Variants in TYR observed in about 807,000 individuals in gnomAD.
TYR encodes tyrosinase.
A neutral mutation model predicts 51.5 loss-of-function variants in TYR; 58 were observed. That is an observed-to-expected ratio of 1.13 (90% CI 0.91 to 1.40). The LOEUF is 1.40. Among genes scored for constraint, TYR ranks in the 40% most tolerant of loss-of-function variants. The pLI is 0.00. For missense variants in TYR, 732 were observed against 647.4 expected (o/e 1.13, Z -1.42); for synonymous variants, 263 against 235.2 (o/e 1.12, Z -1.08).
At chr11:89,219,697 G>A (rs138355784) in intron 2 of TYR, among the ~76,000 whole-genome samples, 80 of 152,232 alleles carry the variant, frequency 5.3e-4, no homozygotes, top group African/African-American at 1.7e-3. Flanking sequence ...TTGGCCATAA[G>A]TATGTGGGTA....
Position 89,232,307 on chromosome 11 carries a change from G to C in TYR, c.1184+4337G>C, listed in dbSNP as rs1320711342. Among the ~76,000 whole-genome samples the C allele has an allele frequency of 2.8e-5, 4 of 143,030 alleles. 1 individual carries two copies. Among genetic ancestry groups the C allele is most frequent in the Non-Finnish European group, 4.5e-5 (3 of 66,628 alleles). The allele number at this position is 143,030 out of a possible 152,430, so 93.8% of individuals were successfully genotyped here. On this transcript the variant is annotated intron_variant, in intron 3 of 4. Transcript: ENST00000263321. ...AGTTACGTTTATGGAATCAACCCAG[G>C]TGCTCATCAATGGTGTATTGGACAA...
chr11:89,232,957 T>A (rs1443604280), intron 3 of TYR, among the ~76,000 whole-genome samples: 3 of 142,786 alleles, frequency 2.1e-5, no homozygotes, highest in African/African-American at 8.3e-5. Context: ...GCTGGAGCAA[T>A]TTTTTAAAAT....
chr11:89,267,763 T>C (rs1944542918), intron 3 of TYR, among the ~76,000 whole-genome samples: 1 of 151,956 alleles, frequency 6.6e-6, no homozygotes, highest in South Asian at 2.1e-4. Flanking sequence ...GTTTTTCTTT[T>C]TCCTGATTAA....
chr11:89,211,963 T>C (rs1256820984), intron 2 of TYR, among the ~76,000 whole-genome samples: 1 of 152,126 alleles, frequency 6.6e-6, no homozygotes, highest in Non-Finnish European at 1.5e-5. Flanking sequence ...TCGGGAGAAA[T>C]TTATAGCACT....
At chr11:89,294,821 C>A (rs1354185932) in intron 4 of TYR, among the ~76,000 whole-genome samples, 2 of 152,128 alleles carry the variant, frequency 1.3e-5, no homozygotes, top group African/African-American at 4.8e-5. Context: ...GTTACAACAT[C>A]CTTTCACAGA....
At chr11:89,237,798 T>C (rs1324916033) in intron 3 of TYR, among the ~76,000 whole-genome samples, 1 of 152,048 alleles carries the variant, frequency 6.6e-6, no homozygotes, top group Non-Finnish European at 1.5e-5. Context: ...TTTAATAATA[T>C]TCTTTCTTCC....
At chr11:89,257,929 T>C (rs1386022687) in intron 3 of TYR, among the ~76,000 whole-genome samples, 2 of 152,056 alleles carry the variant, frequency 1.3e-5, no homozygotes, top group African/African-American at 4.8e-5. Flanking sequence ...GCATATAGTC[T>C]TTCCTGCACT....
At chr11:89,265,488 C>A (rs1424415494) in intron 3 of TYR, among the ~76,000 whole-genome samples, 1 of 152,036 alleles carries the variant, frequency 6.6e-6, no homozygotes, top group African/African-American at 2.4e-5. Context: ...TACTACTAAT[C>A]ACTTGGAGAA....
intron 3 of TYR, among the ~76,000 whole-genome samples, chr11:89,272,269 T>C (rs1282744468): frequency 3.9e-5 from 6 of 151,916 alleles, no homozygotes; most frequent in Non-Finnish European, 8.8e-5. Context: ...AAATTACTCC[T>C]TAATCCATGG....
At chr11:89,181,079 A>G (rs1329020557) in intron 1 of TYR, among the ~76,000 whole-genome samples, 1 of 152,048 alleles carries the variant, frequency 6.6e-6, no homozygotes, top group Non-Finnish European at 1.5e-5. Flanking sequence ...CAGTGGTGCA[A>G]TCTCCATACG....
At chr11:89,278,707 GGGACATTAGT>G (rs1944686830) in intron 3 of TYR, among the ~76,000 whole-genome samples, 1 of 151,518 alleles carries the variant, frequency 6.6e-6, no homozygotes, top group Non-Finnish European at 1.5e-5. Flanking sequence ...CCCTTGGTAT[GGGACATTAGT>G]GGACATTAAA....
intron 3 of TYR, among the ~76,000 whole-genome samples, chr11:89,258,179 T>G (rs1285469564): frequency 6.6e-6 from 1 of 152,048 alleles, no homozygotes; most frequent in Non-Finnish European, 1.5e-5. Context: ...TCAAATGGAT[T>G]CTATCTGAAC....
intron 2 of TYR, among the ~76,000 whole-genome samples, chr11:89,213,819 C>G (rs1355428864): frequency 6.6e-6 from 1 of 152,108 alleles, no homozygotes; most frequent in Admixed American, 6.6e-5. Context: ...TTTCACAAAC[C>G]TGACAAAAAC....
At chr11:89,188,418 G>GT (rs766817849) in intron 1 of TYR, among the ~76,000 whole-genome samples, 1 of 151,978 alleles carries the variant, frequency 6.6e-6, no homozygotes, top group Non-Finnish European at 1.5e-5. Context: ...TGATTACATA[G>GT]TTTGTTAGAA....
intron 2 of TYR, among the ~76,000 whole-genome samples, chr11:89,197,749 C>G (rs547942881): frequency 6.6e-6 from 1 of 151,966 alleles, no homozygotes; most frequent in South Asian, 2.1e-4. Context: ...GACTGTAAGG[C>G]AGCAAGGAAA....
intron 3 of TYR, among the ~76,000 whole-genome samples, chr11:89,278,642 T>C (rs892124106): frequency 6.6e-6 from 1 of 151,720 alleles, no homozygotes; most frequent in African/African-American, 2.4e-5. Flanking sequence ...GTTGTGAAGA[T>C]AGAACGGAGA....
intron 4 of TYR, among the ~76,000 whole-genome samples, chr11:89,288,191 T>A (rs1234453505): frequency 6.6e-6 from 1 of 151,890 alleles, no homozygotes; most frequent in Non-Finnish European, 1.5e-5. Context: ...GCGAGAGACA[T>A]CAGCATATAA....
At chr11:89,198,787 C>G (rs907757155) in intron 2 of TYR, among the ~76,000 whole-genome samples, 3 of 141,794 alleles carry the variant, frequency 2.1e-5, no homozygotes, top group African/African-American at 6.1e-5. Context: ...ACTTTAAGTT[C>G]TAGGGTACAT....
At chr11:89,282,672 G>T (rs1455018948) in intron 3 of TYR, among the ~76,000 whole-genome samples, 9 of 151,742 alleles carry the variant, frequency 5.9e-5, no homozygotes, top group South Asian at 2.1e-4. Flanking sequence ...GGGGTTTATT[G>T]TCAAGCCAGT....
Sources: allele counts gnomAD v4.1 joint callset (sites outside exome capture counted in the v4.1 genomes callset), GRCh38; gene constraint gnomAD v4.1.1; transcripts MANE v1.5; gene names NCBI Gene and HGNC (gene_info 2026-07-23, HGNC 2026-07-21).